The following IZUMO2 variants were observed in gnomAD, a reference collection of about 807,000 sequenced individuals.
IZUMO2 encodes IZUMO family member 2, also known as izumo sperm-egg fusion protein 2.
IZUMO2 carries 24 observed loss-of-function variants against 31.2 expected under a neutral mutation model. The ratio of observed to expected loss-of-function variants is 0.77; its 90% CI spans 0.56 to 1.08. The LOEUF (loss-of-function observed/expected upper bound fraction) is 1.08, where lower values mean the gene tolerates loss of function less well. Ranked by LOEUF, IZUMO2 falls within the 50% of genes least tolerant of loss-of-function variation. The pLI is 0.00. For synonymous variants in IZUMO2, 144 were observed against 117.3 expected, an observed-to-expected ratio of 1.23 and a Z score of -1.47; for missense variants, 278 against 274.0, an observed-to-expected ratio of 1.01 and a Z score of -0.10.
Position 50,162,631 on chromosome 19 carries a change from AG to A in IZUMO2, c.307+107del, listed in dbSNP as rs2030437346. 3.3e-6 allele frequency: 3 copies of A among 903,322 alleles called. No individual in the cohort carries two copies. The East Asian group carries it at 7.5e-5, about 22-fold the overall frequency. 56.0% of individuals were successfully genotyped at this position (903,322 alleles called of 1,614,324 possible). A position where few individuals can be genotyped will look rare whatever the true frequency, so the allele number is the denominator to read the frequency against. ...CTGTCTCTTAAAAAAGAAAAAAAAA[AG>A]GCTACATTGCATGCGTGTTTGCTCT... On this transcript the variant is annotated intron_variant, in intron 2 of 6. Coordinates refer to ENST00000293405, the MANE Select transcript of IZUMO2 (RefSeq NM_152358.3).
chr19:50,160,483 ATTTTTT>A (rs532639373), intron 2 of IZUMO2: 5 of 142,052 alleles, frequency 3.5e-5, no homozygotes, highest in African/African-American at 1.0e-4. Context: ...GACTACTAGA[ATTTTTT>A]TTTTTTTTTT....
chr19:50,154,012 G>A (rs574996536), intron 6 of IZUMO2, among the ~76,000 whole-genome samples: 2 of 145,992 alleles, frequency 1.4e-5, no homozygotes, highest in South Asian at 2.3e-4. Flanking sequence ...AGGGGCTGGG[G>A]GGGAGGGGGA....
At chr19:50,160,933 C>G (rs2030376872) in intron 2 of IZUMO2, among the ~76,000 whole-genome samples, 1 of 152,072 alleles carries the variant, frequency 6.6e-6, no homozygotes. Context: ...ACCCAACTAT[C>G]TGGTCAAGAT....
intron 4 of IZUMO2, 88 bp from the exon 5 acceptor site, chr19:50,158,436 G>T: frequency 1.2e-6 from 1 of 825,368 alleles, no homozygotes; most frequent in Non-Finnish European, 2.0e-6. Context: ...AGAGGAGATG[G>T]GGTCCCTTGG....
chr19:50,154,649 G>A lies in IZUMO2; in HGVS notation c.574C>T (p.Leu192Phe). ...YPRNQALLGI[L>F]ISVSLAVFVF... ...AAGACAGCCAGAGACACAGAAATGA[G>A]GATGCCCAACAGCGCCTGGTTCCTC... Residue 192 changes from leucine to phenylalanine, a missense_variant, in exon 6 of 7, where the codon CTC (leucine) becomes TTC (phenylalanine). Coordinates refer to ENST00000293405, the MANE Select transcript of IZUMO2 (RefSeq NM_152358.3). The A allele has an allele frequency of 6.2e-7, 1 of 1,614,014 alleles. No individual in the cohort carries two copies. Among genetic ancestry groups the A allele is most frequent in the Non-Finnish European group, 8.5e-7 (1 of 1,179,986 alleles).
chr19:50,158,935 A>T (rs2030303392), intron 4 of IZUMO2, among the ~76,000 whole-genome samples: 1 of 152,220 alleles, frequency 6.6e-6, no homozygotes, highest in Admixed American at 6.5e-5. Flanking sequence ...CTGTCAATGA[A>T]ATTTGGGTGA....
chr19:50,159,644 A>C, intron 2 of IZUMO2, 64 bp from the exon 3 acceptor site: 1 of 909,534 alleles, frequency 1.1e-6, no homozygotes, highest in South Asian at 1.4e-5. Flanking sequence ...CACTACCTGA[A>C]GCTTCCAGGA....
rs761292133 is a variant in IZUMO2 at position 50,159,507 on chromosome 19, T to C, written c.381A>G (p.Ser127=). 1.2e-6 allele frequency: 2 copies of C among 1,610,200 alleles called. No individual in the cohort carries two copies. Among genetic ancestry groups the C allele is most frequent in the East Asian group, 2.2e-5 (1 of 44,864 alleles). The change falls in exon 3 of 7, where the codon TCA becomes TCG. Residue 127 remains serine, a synonymous_variant. Coordinates refer to ENST00000293405, the MANE Select transcript of IZUMO2 (RefSeq NM_152358.3). The stretch of plus-strand genomic sequence containing the variant: ...GATATGCTGCACCTTTTAATTCATA[T>C]GAAATTAAAACTTTCTTGAATTCCT... The part of the protein sequence containing the change: ...VIKEFKKVLI[S]YELKACNPKL...
intron 6 of IZUMO2, among the ~76,000 whole-genome samples, chr19:50,154,265 T>G (rs1392374564): frequency 0.022 from 126 of 5,672 alleles, 4 homozygotes; most frequent in Non-Finnish European, 0.033. Context: ...ACTTTTAGCG[T>G]TTTTTTTTTT....
chr19:50,156,506 A>G (rs561382006), intron 5 of IZUMO2, among the ~76,000 whole-genome samples: 4 of 152,154 alleles, frequency 2.6e-5, no homozygotes, highest in Non-Finnish European at 4.4e-5. Flanking sequence ...ATTTGTTGTC[A>G]CCAAATACCA....
chr19:50,162,851 C>G lies in IZUMO2; in HGVS notation c.233-38G>C, dbSNP rs760590508. Reference sequence around the variant, plus strand: ...GGGAGAGGACACTCCAGTGAGCCCCCCAGAGAGCCAAGTGACCTCACCCCC... The same window carrying G: ...GGGAGAGGACACTCCAGTGAGCCCCGCAGAGAGCCAAGTGACCTCACCCCC... On this transcript the variant is annotated intron_variant, in intron 1 of 6. Coordinates refer to ENST00000293405, the MANE Select transcript of IZUMO2 (RefSeq NM_152358.3). The G allele has an allele frequency of 5.6e-6, 9 of 1,608,158 alleles. No homozygotes were observed. The South Asian group carries it at 8.8e-5, about 16-fold the overall frequency.
At chr19:50,154,260 T>A (rs2030127999) in intron 6 of IZUMO2, among the ~76,000 whole-genome samples, 1 of 144,330 alleles carries the variant, frequency 6.9e-6, no homozygotes, top group Admixed American at 7.3e-5. Flanking sequence ...ATATAACTTT[T>A]AGCGTTTTTT....
rs751425386 is a variant in IZUMO2, at chr19:50,159,544, G to A, written c.344C>T (p.Ala115Val). 39 of 1,613,276 alleles carry A rather than the reference G, an allele frequency of 2.4e-5. No homozygotes were observed. Among genetic ancestry groups the A allele is most frequent in the Middle Eastern group, 1.7e-4 (1 of 6,032 alleles). ...PLLEELVTLR[A>V]NVIKEFKKVL... is the part of the protein sequence containing the mutation. ...TTTCTTGAATTCCTTGATCACATTC[G>A]CCCTGAGGGTCACCAGCTCTTCCAG... The change falls in exon 3 of 7, where the codon GCG becomes GTG. Residue 115 changes from alanine (A) to valine (V), a missense_variant. Coordinates refer to ENST00000293405, the MANE Select transcript of IZUMO2 (RefSeq NM_152358.3).
chr19:50,162,112 G>T (rs1205890919), intron 2 of IZUMO2, among the ~76,000 whole-genome samples: 1 of 151,914 alleles, frequency 6.6e-6, no homozygotes, highest in African/African-American at 2.4e-5. Flanking sequence ...GTGAAACCTC[G>T]TCTCTACTAA....
At chr19:50,154,994 C>T (rs1230408481) in intron 5 of IZUMO2, among the ~76,000 whole-genome samples, 7 of 152,136 alleles carry the variant, frequency 4.6e-5, no homozygotes, top group African/African-American at 1.7e-4. Context: ...GTTGACAGTC[C>T]ACCCCGCATA....
intron 5 of IZUMO2, among the ~76,000 whole-genome samples, chr19:50,157,910 T>TC (rs1262838532): frequency 1.8e-5 from 2 of 110,850 alleles, no homozygotes; most frequent in African/African-American, 3.1e-5. Flanking sequence ...AGAATCCATA[T>TC]AAAAAAAAAA....
intron 5 of IZUMO2, among the ~76,000 whole-genome samples, chr19:50,157,434 C>T (rs2030248505): frequency 6.6e-6 from 1 of 151,194 alleles, no homozygotes; most frequent in South Asian, 2.1e-4. Context: ...TCCTGAGTAG[C>T]TGGGATTACA....
At chr19:50,154,414 AG>A (rs1453056872) in intron 6 of IZUMO2, among the ~76,000 whole-genome samples, 185 bp downstream of exon 6, 1 of 142,738 alleles carries the variant, frequency 7.0e-6, no homozygotes, top group Non-Finnish European at 1.5e-5. Flanking sequence ...GATGAGAGAA[AG>A]GTACGGGGCA....
intron 6 of IZUMO2, among the ~76,000 whole-genome samples, chr19:50,154,271 T>G (rs2030132376): frequency 9.1e-6 from 1 of 110,188 alleles, no homozygotes; most frequent in Non-Finnish European, 2.0e-5. Flanking sequence ...AGCGTTTTTT[T>G]TTTTTTTTTT....
Sources: allele counts gnomAD v4.1 joint callset (sites outside exome capture counted in the v4.1 genomes callset), GRCh38; gene constraint gnomAD v4.1.1; transcripts MANE v1.5; gene names NCBI Gene and HGNC (gene_info 2026-07-23, HGNC 2026-07-21).